Variants in IFNA8 observed in about 807,000 individuals in gnomAD.
The protein encoded by IFNA8 is interferon alpha 8.
For missense variants in IFNA8, 246 were observed against 212.3 expected, an observed-to-expected ratio of 1.16 and a Z score of -0.99; for synonymous variants, 91 against 84.4, an observed-to-expected ratio of 1.08 and a Z score of -0.43.
At position 21,409,350 on chromosome 9, in the gene IFNA8, C is replaced by A. The variant is rs1326485123; in HGVS notation, c.174C>A (p.Asp58Glu). 5.6e-6 allele frequency: 9 copies of A among 1,614,106 alleles called. No homozygotes were observed. Among genetic ancestry groups the A allele is most frequent in the Non-Finnish European group, 7.6e-6 (9 of 1,179,980 alleles). Residue 58 changes from aspartate (D) to glutamate (E), a missense_variant, in exon 1 of 1, where the codon GAC becomes GAA. Transcript: ENST00000380205. ...TCTCCTGCCTGAAGGACAGACATGACTTTGAATTCCCCCAGGAGGAGTTTG... is the reference window on the plus strand; with the variant it reads ...TCTCCTGCCTGAAGGACAGACATGAATTTGAATTCCCCCAGGAGGAGTTTG... ...SPFSCLKDRH[D>E]FEFPQEEFDD...
chr9:21,409,791 G>C lies in IFNA8; in HGVS notation c.*45G>C, dbSNP rs1818021679. The C allele has an allele frequency of 6.5e-7, 1 of 1,528,010 alleles. No homozygotes were observed. Among genetic ancestry groups the C allele is most frequent in the African/African-American group, 1.4e-5 (1 of 72,464 alleles). 94.7% of individuals were successfully genotyped at this position (1,528,010 alleles called of 1,614,324 possible). A position where few individuals can be genotyped will look rare whatever the true frequency, so the allele number is the denominator to read the frequency against. ...ATGATTCTTATAGACTAATACAGCA[G>C]CTCACACTTCGACAAGTTGTGCTCT... is the stretch of plus-strand genomic sequence containing the variant. On this transcript the variant is annotated 3_prime_UTR_variant, in exon 1 of 1. Coordinates refer to ENST00000380205, the MANE Select transcript of IFNA8 (RefSeq NM_002170.4).
At position 21,409,443 on chromosome 9, in the gene IFNA8, C is replaced by G; in HGVS notation, c.267C>G (p.Asn89Lys). ...VLHEMIQQTF[N>K]LFSTKDSSAA... The stretch of plus-strand genomic sequence containing the variant: ...ATGAGATGATCCAGCAGACCTTCAA[C>G]CTCTTCAGCACAAAGGACTCATCTG... Residue 89 changes from asparagine (N) to lysine (K), a missense_variant, in exon 1 of 1, where the codon AAC becomes AAG. Transcript: ENST00000380205. The G allele has an allele frequency of 6.2e-7, 1 of 1,614,122 alleles. No homozygotes were observed. Among genetic ancestry groups the G allele is most frequent in the Non-Finnish European group, 8.5e-7 (1 of 1,179,984 alleles).
rs1818017645 is a variant in IFNA8 at position 21,409,618 on chromosome 9, C to G, written c.442C>G (p.Gln148Glu). 6.2e-7 allele frequency: 1 copy of G among 1,613,914 alleles called. No individual in the cohort carries two copies. Among genetic ancestry groups the G allele is most frequent in the African/African-American group, 1.3e-5 (1 of 75,002 alleles). Residue 148 changes from glutamine (Q) to glutamate (E), a missense_variant, in exon 1 of 1, where the codon CAA (glutamine) becomes GAA (glutamate). Physicochemically the swap from Gln to Glu is conservative, Grantham distance 29. Transcript: ENST00000380205. ...DSILAVRKYF[Q>E]RITLYLTEKK... ...CATCCTGGCTGTGAGGAAATACTTC[C>G]AAAGAATCACTCTATATCTGACAGA... is the stretch of plus-strand genomic sequence containing the variant.
Position 21,409,198 on chromosome 9 carries a change from C to G in IFNA8, c.22C>G (p.Leu8Val). MALTFYLLVALVVLSYKS... is the reference protein window; with the variant it reads MALTFYLVVALVVLSYKS... ...TACAATGGCCTTGACTTTTTATTTA[C>G]TGGTGGCCCTAGTGGTGCTCAGCTA... The change falls in exon 1 of 1, where the codon CTG becomes GTG. Residue 8 changes from leucine to valine, a missense_variant. Transcript: ENST00000380205. The G allele has an allele frequency of 6.2e-7, 1 of 1,613,914 alleles. No homozygotes were observed. Among genetic ancestry groups the G allele is most frequent in the Non-Finnish European group, 8.5e-7 (1 of 1,179,856 alleles).
Position 21,409,132 on chromosome 9 carries a change from G to A in IFNA8, c.-45G>A. On this transcript the variant is annotated 5_prime_UTR_variant, in exon 1 of 1. Transcript: ENST00000380205. The stretch of plus-strand genomic sequence containing the variant: ...CAAAGTCTTCAGAGACCCAGGTTAA[G>A]GGTCATCCATCTGAACCAGCTCAGC... The A allele has an allele frequency of 6.5e-7, 1 of 1,540,440 alleles. No individual in the cohort carries two copies. The highest frequency in any genetic ancestry group is 9.0e-7 in the Non-Finnish European group (1 of 1,117,228).
the IFNA8 span, chr9:21,409,552 G>T: frequency 6.2e-7 from 1 of 1,614,028 alleles, no homozygotes; most frequent in Non-Finnish European, 8.5e-7. Flanking sequence ...TGTGATGCAG[G>T]AAGTGGGGGT....
Position 21,409,590 on chromosome 9 carries a change from C to A in IFNA8, c.414C>A (p.Asp138Glu), listed in dbSNP as rs1466246427. 2 of 1,613,982 alleles carry A rather than the reference C, an allele frequency of 1.2e-6. No individual in the cohort carries two copies. Among genetic ancestry groups the A allele is most frequent in the East Asian group, 4.5e-5 (2 of 44,878 alleles). Residue 138 changes from aspartate (D) to glutamate (E), a missense_variant, in exon 1 of 1, where the codon GAC (aspartate) becomes GAA (glutamate). Coordinates refer to ENST00000380205, the MANE Select transcript of IFNA8 (RefSeq NM_002170.4). ...GVIESPLMYE[D>E]SILAVRKYFQ... ...TAGAGTCTCCCCTGATGTACGAGGA[C>A]TCCATCCTGGCTGTGAGGAAATACT...
In IFNA8 at chr9:21,409,745, G is replaced by A; in HGVS notation, c.569G>A (p.Ter190=). The change falls in exon 1 of 1, where the codon TGA becomes TAA. Residue 190 remains the stop codon, a stop_retained_variant. Coordinates refer to ENST00000380205, the MANE Select transcript of IFNA8 (RefSeq NM_002170.4). ...NLQKRLKSKE[*] ...CAAAAAAGATTGAAGAGTAAGGAAT[G>A]AGACCTGGTACAACACGGAAATGAT... 3 of 1,611,602 alleles carry A rather than the reference G, an allele frequency of 1.9e-6. No homozygotes were observed. The highest frequency in any genetic ancestry group is 2.5e-6 in the Non-Finnish European group (3 of 1,177,868).
In IFNA8 at chr9:21,409,709, C is replaced by T; in HGVS notation, c.533C>T (p.Ser178Leu). 2 of 1,613,784 alleles carry T rather than the reference C, an allele frequency of 1.2e-6. No individual in the cohort carries two copies. The highest frequency in any genetic ancestry group is 1.1e-5 in the South Asian group (1 of 91,046). Reference protein sequence around the residue: ...RAEIMRSFSLSINLQKRLKSK... With the variant: ...RAEIMRSFSLLINLQKRLKSK... ...GAAATCATGAGATCCTTCTCTTTAT[C>T]AATCAACTTGCAAAAAAGATTGAAG... is the stretch of plus-strand genomic sequence containing the variant. The change falls in exon 1 of 1, where the codon TCA becomes TTA. Residue 178 changes from serine (S) to leucine (L), a missense_variant. Coordinates refer to ENST00000380205, the MANE Select transcript of IFNA8 (RefSeq NM_002170.4).
At position 21,409,774 on chromosome 9, in the gene IFNA8, T is replaced by C. The variant is rs746553759; in HGVS notation, c.*28T>C. 5.7e-6 allele frequency: 9 copies of C among 1,586,854 alleles called. No individual in the cohort carries two copies. Among genetic ancestry groups the C allele is most frequent in the South Asian group, 4.4e-5 (4 of 90,230 alleles). On this transcript the variant is annotated 3_prime_UTR_variant, in exon 1 of 1. Transcript: ENST00000380205. ...CCTGGTACAACACGGAAATGATTCT[T>C]ATAGACTAATACAGCAGCTCACACT...
In IFNA8 at chr9:21,409,149, C is replaced by T. The variant is rs1274938667; in HGVS notation, c.-28C>T. ...CAGGTTAAGGGTCATCCATCTGAAC[C>T]AGCTCAGCAGCATCCACAACATCTA... On this transcript the variant is annotated 5_prime_UTR_variant, in exon 1 of 1. Transcript: ENST00000380205. 2.5e-6 allele frequency: 4 copies of T among 1,599,630 alleles called. No homozygotes were observed. The highest frequency in any genetic ancestry group is 2.6e-6 in the Non-Finnish European group (3 of 1,168,318).
chr9:21,409,865 T>A lies in IFNA8; in HGVS notation c.*119T>A. On this transcript the variant is annotated 3_prime_UTR_variant, in exon 1 of 1. Transcript: ENST00000380205. ...AAACCATGCTATGAATTGAATCAAA[T>A]GTGTCAAGTGTTTTCAGGAGTGTTA... is the stretch of plus-strand genomic sequence containing the variant. 1.1e-6 allele frequency: 1 copy of A among 923,322 alleles called. No homozygotes were observed. Among genetic ancestry groups the A allele is most frequent in the East Asian group, 2.6e-5 (1 of 39,162 alleles). The allele number at this position is 923,322 out of a possible 1,614,324, so 57.2% of individuals were successfully genotyped here.
Position 21,410,132 on chromosome 9 carries a change from C to T in IFNA8, c.*386C>T, listed in dbSNP as rs1263585979. 5.5e-6 allele frequency: 1 copy of T among 181,570 alleles called. No individual in the cohort carries two copies. Among genetic ancestry groups the T allele is most frequent in the Non-Finnish European group, 1.3e-5 (1 of 78,120 alleles). The allele number at this position is 181,570 out of a possible 1,614,324, so 11.2% of individuals were successfully genotyped here. A position where few individuals can be genotyped will look rare whatever the true frequency, so the allele number is the denominator to read the frequency against. On this transcript the variant is annotated 3_prime_UTR_variant, in exon 1 of 1. Transcript: ENST00000380205. Reference sequence around the variant, plus strand: ...ACTATAGAAAAATTCTTTATTTATTCTTTAAAATTGAACTCCAACCCTGAT... The same window carrying T: ...ACTATAGAAAAATTCTTTATTTATTTTTTAAAATTGAACTCCAACCCTGAT...
rs967404544 is a variant in IFNA8 at position 21,409,931 on chromosome 9, A to G, written c.*185A>G. 4 of 542,916 alleles carry G rather than the reference A, an allele frequency of 7.4e-6. No homozygotes were observed. In the Admixed American group the frequency reaches 1.3e-4, roughly 18 times the overall value. The allele number at this position is 542,916 out of a possible 1,614,324, so 33.6% of individuals were successfully genotyped here. A position where few individuals can be genotyped will look rare whatever the true frequency, so the allele number is the denominator to read the frequency against. On this transcript the variant is annotated 3_prime_UTR_variant, in exon 1 of 1. Transcript: ENST00000380205. The stretch of plus-strand genomic sequence containing the variant: ...AGCTGTATGGGCACTAGTCCCTTAC[A>G]GATGACCATGCTGATGGATCTATTC...
Position 21,409,170 on chromosome 9 carries a change from A to G in IFNA8, c.-7A>G. ...GAACCAGCTCAGCAGCATCCACAACATCTACAATGGCCTTGACTTTTTATT... is the reference window on the plus strand; with the variant it reads ...GAACCAGCTCAGCAGCATCCACAACGTCTACAATGGCCTTGACTTTTTATT... On this transcript the variant is annotated 5_prime_UTR_variant, in exon 1 of 1. Coordinates refer to ENST00000380205, the MANE Select transcript of IFNA8 (RefSeq NM_002170.4). 3 of 1,613,294 alleles carry G rather than the reference A, an allele frequency of 1.9e-6. No individual in the cohort carries two copies. The highest frequency in any genetic ancestry group is 1.1e-5 in the South Asian group (1 of 91,034).
Position 21,409,851 on chromosome 9 carries a change from T to C in IFNA8, c.*105T>C. On this transcript the variant is annotated 3_prime_UTR_variant, in exon 1 of 1. Transcript: ENST00000380205. Reference sequence around the variant, plus strand: ...CCTTGTTTCTGCCAAAACCATGCTATGAATTGAATCAAATGTGTCAAGTGT... The same window carrying C: ...CCTTGTTTCTGCCAAAACCATGCTACGAATTGAATCAAATGTGTCAAGTGT... 9.6e-7 allele frequency: 1 copy of C among 1,045,866 alleles called. No homozygotes were observed. Among genetic ancestry groups the C allele is most frequent in the Non-Finnish European group, 1.4e-6 (1 of 697,088 alleles). The allele number at this position is 1,045,866 out of a possible 1,614,324, so 64.8% of individuals were successfully genotyped here.
chr9:21,409,253 T>C lies in IFNA8; in HGVS notation c.77T>C (p.Leu26Pro), dbSNP rs1450411111. Residue 26 changes from leucine to proline, a missense_variant, in exon 1 of 1, where the codon CTG becomes CCG. Leu to Pro is a moderately conservative substitution (Grantham distance 98, BLOSUM62 -3). Transcript: ENST00000380205. ...YKSFSSLGCD[L>P]PQTHSLGNRR... ...TCATTCAGCTCTCTGGGCTGTGATCTGCCTCAGACTCACAGCCTGGGTAAC... is the reference window on the plus strand; with the variant it reads ...TCATTCAGCTCTCTGGGCTGTGATCCGCCTCAGACTCACAGCCTGGGTAAC... 1 of 1,614,018 alleles carries C rather than the reference T, an allele frequency of 6.2e-7. No individual in the cohort carries two copies. The highest frequency in any genetic ancestry group is 8.5e-7 in the Non-Finnish European group (1 of 1,179,914).
chr9:21,409,924 C>T lies in IFNA8; in HGVS notation c.*178C>T. 1.8e-6 allele frequency: 1 copy of T among 557,442 alleles called. No individual in the cohort carries two copies. 34.5% of individuals were successfully genotyped at this position (557,442 alleles called of 1,614,324 possible). ...CCTGTTCAGCTGTATGGGCACTAGT[C>T]CCTTACAGATGACCATGCTGATGGA... On this transcript the variant is annotated 3_prime_UTR_variant, in exon 1 of 1. Transcript: ENST00000380205.
Position 21,409,450 on chromosome 9 carries a change from A to G in IFNA8, c.274A>G (p.Ser92Gly). 1.2e-6 allele frequency: 2 copies of G among 1,614,102 alleles called. No individual in the cohort carries two copies. The highest frequency in any genetic ancestry group is 1.7e-6 in the Non-Finnish European group (2 of 1,179,972). ...EMIQQTFNLF[S>G]TKDSSAALDE... The stretch of plus-strand genomic sequence containing the variant: ...GATCCAGCAGACCTTCAACCTCTTC[A>G]GCACAAAGGACTCATCTGCTGCTTT... The change falls in exon 1 of 1, where the codon AGC becomes GGC. Residue 92 changes from serine (S) to glycine (G), a missense_variant. Coordinates refer to ENST00000380205, the MANE Select transcript of IFNA8 (RefSeq NM_002170.4).
Sources: gnomAD v4.1 joint callset for allele counts on GRCh38, gnomAD v4.1.1 for gene constraint, MANE v1.5 for transcripts, NCBI Gene and HGNC (gene_info 2026-07-23, HGNC 2026-07-21) for gene names.